Variants in EYA2 observed in about 807,000 individuals in gnomAD.
EYA2 encodes the protein EYA transcriptional coactivator and phosphatase 2.
In EYA2, 31 loss-of-function variants were observed where a neutral mutation model predicts 69.2. The observed-to-expected ratio is 0.45, with a 90% CI of 0.34 to 0.60. The LOEUF is 0.60. Ranked by LOEUF, EYA2 falls within the 20% of genes least tolerant of loss-of-function variation. EYA2 has a pLI of 0.02. For missense variants in EYA2, 622 were observed against 701.2 expected (o/e 0.89, Z 1.28); for synonymous variants, 257 against 279.4 (o/e 0.92, Z 0.80).
At chr20:47,055,644 G>A (rs2030576745) in intron 5 of EYA2, among the ~76,000 whole-genome samples, 1 of 152,070 alleles carries the variant, frequency 6.6e-6, no homozygotes, top group South Asian at 2.1e-4. Context: ...TTACCCCTCA[G>A]GGTCTTTGCA....
rs138752048 is a variant in EYA2 at position 46,927,596 on chromosome 20, C to G, written c.-11+32609C>G. Among the ~76,000 whole-genome samples, 702 of 152,246 alleles carry G rather than the reference C, an allele frequency of 4.6e-3. 3 individuals carry two copies. Among genetic ancestry groups the G allele is most frequent in the African/African-American group, 0.016 (674 of 41,510 alleles). Reference sequence around the variant, plus strand: ...GAGAGCCAATCAAAAGGGGAAACCCCTTATAAAACTATCAGATCTCGTGAG... The same window carrying G: ...GAGAGCCAATCAAAAGGGGAAACCCGTTATAAAACTATCAGATCTCGTGAG... On this transcript the variant is annotated intron_variant, in intron 1 of 15. Coordinates refer to ENST00000327619, the MANE Select transcript of EYA2 (RefSeq NM_005244.5).
intron 1 of EYA2, among the ~76,000 whole-genome samples, chr20:46,961,483 A>G (rs1484168611): frequency 6.6e-6 from 1 of 152,240 alleles, no homozygotes; most frequent in African/African-American, 2.4e-5. Flanking sequence ...AAAACTAAAA[A>G]TATAGCTACC....
chr20:47,172,200 A>G (rs1029311238), intron 11 of EYA2, among the ~76,000 whole-genome samples: 5 of 152,194 alleles, frequency 3.3e-5, no homozygotes, highest in African/African-American at 1.2e-4. Flanking sequence ...TTGGGAAGCC[A>G]AGGTAGGAGG....
intron 10 of EYA2, among the ~76,000 whole-genome samples, chr20:47,162,600 C>T (rs2034092126): frequency 2.7e-5 from 4 of 150,382 alleles, no homozygotes; most frequent in Admixed American, 2.0e-4. Flanking sequence ...TCACTCCAGC[C>T]TCGACCTCCC....
chr20:46,896,026 G>A (rs1983794011), intron 1 of EYA2, among the ~76,000 whole-genome samples: 1 of 152,120 alleles, frequency 6.6e-6, no homozygotes, highest in Non-Finnish European at 1.5e-5. Flanking sequence ...GAAATGCTAT[G>A]TAATCTTCAA....
At chr20:46,926,591 T>C (rs1833830032) in intron 1 of EYA2, among the ~76,000 whole-genome samples, 1 of 152,192 alleles carries the variant, frequency 6.6e-6, no homozygotes, top group South Asian at 2.1e-4. Context: ...CTGAGTCCAC[T>C]GATTCAAATT....
rs369880765 is a variant in EYA2 at position 47,131,301 on chromosome 20, C to T, written c.889-11758C>T. Among the ~76,000 whole-genome samples the T allele has an allele frequency of 2.6e-4, 39 of 152,248 alleles. No homozygotes were observed. In the East Asian group the frequency reaches 3.3e-3, roughly 13 times the overall value. ...CTTGGCACCCCCAAATACCACTATC[C>T]CTCTCAACTATTACAACGAACAAAA... On this transcript the variant is annotated intron_variant, in intron 9 of 15. Transcript: ENST00000327619.
intron 1 of EYA2, among the ~76,000 whole-genome samples, chr20:46,943,012 C>A (rs960798548): frequency 6.6e-6 from 1 of 152,158 alleles, no homozygotes; most frequent in Non-Finnish European, 1.5e-5. Flanking sequence ...GTGATCTGCC[C>A]GCCTCGGCCT....
intron 9 of EYA2, among the ~76,000 whole-genome samples, chr20:47,130,709 G>A (rs1306383173): frequency 6.6e-6 from 1 of 152,152 alleles, no homozygotes; most frequent in East Asian, 1.9e-4. Context: ...AAGATCTGGG[G>A]CTCTTCTCTA....
At chr20:46,919,424 G>A (rs1348860262) in intron 1 of EYA2, among the ~76,000 whole-genome samples, 2 of 152,236 alleles carry the variant, frequency 1.3e-5, no homozygotes, top group East Asian at 1.9e-4. Context: ...GCTGCAGTTT[G>A]TCCATCAGCA....
At chr20:47,032,743 A>G (rs1397557095) in intron 5 of EYA2, among the ~76,000 whole-genome samples, 2 of 152,106 alleles carry the variant, frequency 1.3e-5, no homozygotes, top group Non-Finnish European at 2.9e-5. Flanking sequence ...TCATCTGTGA[A>G]ATGGGGTTTA....
At chr20:47,122,577 C>T (rs2033082805) in intron 9 of EYA2, among the ~76,000 whole-genome samples, 1 of 151,986 alleles carries the variant, frequency 6.6e-6, no homozygotes, top group South Asian at 2.1e-4. Flanking sequence ...GGATTACAGG[C>T]GTGTTTCTTA....
intron 5 of EYA2, among the ~76,000 whole-genome samples, chr20:47,039,441 A>G (rs1221381921): frequency 6.6e-6 from 1 of 152,214 alleles, no homozygotes; most frequent in African/African-American, 2.4e-5. Flanking sequence ...GAACTGGGTC[A>G]TTGCAACCAG....
chr20:47,119,319 T>C (rs1012976264), intron 9 of EYA2, among the ~76,000 whole-genome samples: 2 of 152,198 alleles, frequency 1.3e-5, no homozygotes, highest in African/African-American at 4.8e-5. Context: ...ACACTTCCTC[T>C]GTGAATTCGT....
intron 1 of EYA2, among the ~76,000 whole-genome samples, chr20:46,948,182 G>A (rs536878779): frequency 3.6e-4 from 55 of 152,080 alleles, no homozygotes; most frequent in African/African-American, 1.2e-3. Flanking sequence ...TATCCCAGGA[G>A]TTGGCAAACT....
chr20:47,072,182 CA>C lies in EYA2; in HGVS notation c.416-2del. 1 of 1,612,372 alleles carries C rather than the reference CA, an allele frequency of 6.2e-7. No homozygotes were observed. The highest frequency in any genetic ancestry group is 8.5e-7 in the Non-Finnish European group (1 of 1,179,076). ...CCTGTACCCCTGTTCCTCCTTCCCA[CA>C]GGCACAACAGGGTTCTATCAAGGAG... On this transcript the variant is annotated splice_acceptor_variant, in intron 5 of 15. Transcript: ENST00000327619. LOFTEE classifies it high-confidence loss of function.
chr20:47,078,331 G>GCA (rs60383949), intron 7 of EYA2, among the ~76,000 whole-genome samples: 2,639 of 123,788 alleles, frequency 0.021, 31 homozygotes, highest in South Asian at 0.035. Flanking sequence ...GCGCGCGCGC[G>GCA]CACACACACA....
intron 5 of EYA2, among the ~76,000 whole-genome samples, chr20:47,050,793 A>G (rs1188420815): frequency 3.3e-5 from 5 of 152,236 alleles, no homozygotes. Context: ...TCCTAAGGGT[A>G]TACACTTGAA....
At chr20:47,115,179 C>T (rs2032856151) in intron 9 of EYA2, among the ~76,000 whole-genome samples, 1 of 152,152 alleles carries the variant, frequency 6.6e-6, no homozygotes, top group African/African-American at 2.4e-5. Flanking sequence ...CCACCTTACC[C>T]TTCTCCCACC....
Sources: allele counts gnomAD v4.1 joint callset (sites outside exome capture counted in the v4.1 genomes callset), GRCh38; gene constraint gnomAD v4.1.1; transcripts MANE v1.5; gene names NCBI Gene and HGNC (gene_info 2026-07-23, HGNC 2026-07-21).